Variants in ANXA7 observed in about 807,000 individuals in gnomAD.
ANXA7 encodes annexin VII.
ANXA7 carries 55 observed loss-of-function variants against 64.9 expected under a neutral mutation model. The ratio of observed to expected loss-of-function variants is 0.85; its 90% CI spans 0.68 to 1.06. The LOEUF is 1.06. ANXA7 is among the 50% of genes least tolerant of loss of function. The pLI, the probability that ANXA7 is intolerant of heterozygous loss-of-function variation, is 0.00. For synonymous variants in ANXA7, 200 were observed against 192.4 expected (o/e 1.04, Z -0.33); for missense variants, 548 against 582.1 (o/e 0.94, Z 0.60).
intron 1 of ANXA7, among the ~76,000 whole-genome samples, chr10:73,412,499 G>GT (rs575394324): frequency 0.022 from 3,140 of 140,512 alleles, 39 homozygotes; most frequent in African/African-American, 0.039. Context: ...AGTTTTTTGG[G>GT]TTTTTTTTTT....
At chr10:73,403,298 G>A (rs1226279572) in intron 1 of ANXA7, among the ~76,000 whole-genome samples, 2 of 152,140 alleles carry the variant, frequency 1.3e-5, no homozygotes, top group Admixed American at 1.3e-4. Context: ...AGATCAGCCT[G>A]GGCAACAAAG....
chr10:73,386,843 G>A (rs2055380903), intron 7 of ANXA7, among the ~76,000 whole-genome samples: 1 of 151,994 alleles, frequency 6.6e-6, no homozygotes, highest in African/African-American at 2.4e-5. Context: ...AATATAATTT[G>A]TTGTCATCGT....
At chr10:73,404,047 AAAAT>A (rs1443070262) in intron 1 of ANXA7, among the ~76,000 whole-genome samples, 1 of 152,362 alleles carries the variant, frequency 6.6e-6, no homozygotes, top group African/African-American at 2.4e-5. Context: ...GAATATTAAA[AAAAT>A]AATTAGCATG....
intron 2 of ANXA7, 80 bp from the exon 3 acceptor site, chr10:73,398,465 T>A: frequency 1.5e-6 from 2 of 1,294,252 alleles, no homozygotes; most frequent in Non-Finnish European, 2.1e-6. Flanking sequence ...CAAACAGAGG[T>A]TATTATTAAG....
At position 73,379,892 on chromosome 10, in the gene ANXA7, A is replaced by G; in HGVS notation, c.1152T>C (p.Gly384=). The change falls in exon 11 of 13, where the codon GGT becomes GGC. Residue 384 remains glycine, a synonymous_variant. Coordinates refer to ENST00000372921, the MANE Select transcript of ANXA7 (RefSeq NM_001156.5). ...AAAATATCTTACAGATGGTCTTCAA[A>G]CCACTTTCTACATATCCGGAAAACT... ...SREFSGYVES[G]LKTILQCALN... is the part of the protein sequence containing the mutation. 1 of 1,614,194 alleles carries G rather than the reference A, an allele frequency of 6.2e-7. No individual in the cohort carries two copies. The highest frequency in any genetic ancestry group is 1.3e-5 in the African/African-American group (1 of 75,068).
At chr10:73,385,407 G>T (rs565679619) in intron 7 of ANXA7, among the ~76,000 whole-genome samples, 30 of 152,220 alleles carry the variant, frequency 2.0e-4, no homozygotes, top group South Asian at 1.9e-3. Flanking sequence ...GGTAACAATG[G>T]AAATGAGAAG....
intron 5 of ANXA7, chr10:73,395,922 C>T (rs7096875): frequency 0.097 from 72,595 of 744,606 alleles, 5,410 homozygotes; most frequent in East Asian, 0.28. Context: ...TACAGGAACA[C>T]AAAGATAAAA....
At chr10:73,407,288 G>C (rs928838155) in intron 1 of ANXA7, among the ~76,000 whole-genome samples, 2 of 152,086 alleles carry the variant, frequency 1.3e-5, no homozygotes, top group African/African-American at 4.8e-5. Flanking sequence ...TGTTGGCCAG[G>C]CTGGTCACAA....
chr10:73,410,510 G>A (rs537915520), intron 1 of ANXA7, among the ~76,000 whole-genome samples: 40 of 152,208 alleles, frequency 2.6e-4, no homozygotes, highest in Non-Finnish European at 4.4e-4. Flanking sequence ...TGGGCCGGGC[G>A]CGGTAGCCCC....
chr10:73,378,174 A>C (rs1391611488), intron 12 of ANXA7, among the ~76,000 whole-genome samples: 1 of 151,806 alleles, frequency 6.6e-6, no homozygotes, highest in Non-Finnish European at 1.5e-5. Flanking sequence ...CAGGAGTTCG[A>C]GACCAGCCTG....
At chr10:73,404,014 G>C (rs1322772005) in intron 1 of ANXA7, among the ~76,000 whole-genome samples, 1 of 152,188 alleles carries the variant, frequency 6.6e-6, no homozygotes, top group Non-Finnish European at 1.5e-5. Flanking sequence ...TATGATCATA[G>C]AGAACTGTGA....
chr10:73,393,391 A>G (rs1296633240), intron 5 of ANXA7, among the ~76,000 whole-genome samples: 4 of 152,128 alleles, frequency 2.6e-5, no homozygotes, highest in African/African-American at 7.2e-5. Flanking sequence ...AAAAGAGCCC[A>G]CATTGCCAAG....
In ANXA7 at chr10:73,375,525, G is replaced by A. The variant is rs2055156139; in HGVS notation, c.*570C>T. On this transcript the variant is annotated 3_prime_UTR_variant, in exon 13 of 13. Transcript: ENST00000372921. ...AAAAAAAGTAGGCTATGTATCTTAA[G>A]CATATAAACATTTGACCCTTTCTTA... 1 of 152,082 alleles carries A rather than the reference G, an allele frequency of 6.6e-6. No homozygotes were observed. The highest frequency in any genetic ancestry group is 1.5e-5 in the Non-Finnish European group (1 of 68,008). The allele number at this position is 152,082 out of a possible 1,614,324, so 9.4% of individuals were successfully genotyped here. A position where few individuals can be genotyped will look rare whatever the true frequency, so the allele number is the denominator to read the frequency against.
At chr10:73,407,657 A>G (rs2055779483) in intron 1 of ANXA7, among the ~76,000 whole-genome samples, 1 of 152,236 alleles carries the variant, frequency 6.6e-6, no homozygotes, top group Non-Finnish European at 1.5e-5. Context: ...AACCCAACTC[A>G]AGTCAACATT....
chr10:73,402,506 GAC>G (rs1373257221), intron 1 of ANXA7, among the ~76,000 whole-genome samples: 1 of 152,042 alleles, frequency 6.6e-6, no homozygotes, highest in Non-Finnish European at 1.5e-5. Context: ...CTGTTTTAAC[GAC>G]ATTTTGAAAA....
At chr10:73,391,344 C>T (rs1188524760) in intron 5 of ANXA7, among the ~76,000 whole-genome samples, 1 of 151,942 alleles carries the variant, frequency 6.6e-6, no homozygotes, top group African/African-American at 2.4e-5. Flanking sequence ...GGCACAGTGG[C>T]TCACATCTGC....
At chr10:73,407,321 C>A (rs551939954) in intron 1 of ANXA7, among the ~76,000 whole-genome samples, 1 of 152,280 alleles carries the variant, frequency 6.6e-6, no homozygotes, top group East Asian at 1.9e-4. Flanking sequence ...AAGTGATCTG[C>A]CTGCCTCAGC....
At chr10:73,399,588 C>T (rs1191504699) in intron 2 of ANXA7, among the ~76,000 whole-genome samples, 3 of 152,034 alleles carry the variant, frequency 2.0e-5, no homozygotes, top group African/African-American at 4.8e-5. Flanking sequence ...TTTGGGAGGC[C>T]GAGGTGGGCG....
intron 1 of ANXA7, among the ~76,000 whole-genome samples, chr10:73,405,076 T>C (rs555038480): frequency 5.3e-5 from 8 of 152,072 alleles, no homozygotes; most frequent in Non-Finnish European, 8.8e-5. Context: ...ACCCCATCTC[T>C]ATAAAAAATC....
Sources: allele counts gnomAD v4.1 joint callset (sites outside exome capture counted in the v4.1 genomes callset), GRCh38; gene constraint gnomAD v4.1.1; transcripts MANE v1.5; gene names NCBI Gene and HGNC (gene_info 2026-07-23, HGNC 2026-07-21).